CGREF1: variants seen among roughly 807,000 people sequenced by gnomAD.
CGREF1 encodes the protein cell growth regulator with EF hand domain protein 1.
CGREF1 carries 16 observed loss-of-function variants against 17.4 expected under a neutral mutation model. The ratio of observed to expected loss-of-function variants is 0.92; its 90% confidence interval spans 0.62 to 1.40. The LOEUF (loss-of-function observed/expected upper bound fraction) is 1.40. CGREF1 is among the 40% of genes most tolerant of loss of function. CGREF1 has a pLI of 0.00. For synonymous variants in CGREF1, 142 were observed against 154.6 expected, an observed-to-expected ratio of 0.92 and a Z score of 0.61; for missense variants, 296 against 376.4, an observed-to-expected ratio of 0.79 and a Z score of 1.77.
chr2:27,111,140 C>T (rs1176235756), intron 1 of CGREF1, among the ~76,000 whole-genome samples: 1 of 152,158 alleles, frequency 6.6e-6, no homozygotes, highest in Non-Finnish European at 1.5e-5. Flanking sequence ...TTCTCTTATC[C>T]GGCCCCCACC....
At chr2:27,103,807 A>AC (rs1379541700) in intron 2 of CGREF1, among the ~76,000 whole-genome samples, 4 of 148,072 alleles carry the variant, frequency 2.7e-5, no homozygotes, top group Non-Finnish European at 4.5e-5. Flanking sequence ...ACATGGTGAA[A>AC]CCCCACCTCT....
chr2:27,101,591 C>A lies in CGREF1; in HGVS notation c.640G>T (p.Ala214Ser). ...CTGGGCCCTGGAACATCTCCATCAGCCTCTGCCTGGCCCCCAGGCTCCTGG... is the reference window on the plus strand; with the variant it reads ...CTGGGCCCTGGAACATCTCCATCAGACTCTGCCTGGCCCCCAGGCTCCTGG... ...PVQEPGGQAE[A>S]DGDVPGPRGE... Residue 214 changes from alanine to serine, a missense_variant, in exon 6 of 6, where the codon GCT (alanine) becomes TCT (serine). Ala to Ser is a moderately conservative substitution (Grantham distance 99). Around this residue, in one of 3 missense-constraint regions of CGREF1, gnomAD observed 247 missense variants for 267.2 expected, o/e 0.92. Coordinates refer to ENST00000402394, the MANE Select transcript of CGREF1 (RefSeq NM_006569.6). 1 of 1,613,946 alleles carries A rather than the reference C, an allele frequency of 6.2e-7. No individual in the cohort carries two copies. The highest frequency in any genetic ancestry group is 8.5e-7 in the Non-Finnish European group (1 of 1,180,042).
Position 27,104,639 on chromosome 2 carries a change from C to A in CGREF1, c.-11-262G>T, listed in dbSNP as rs1370971800. ...CGGAAGCAGAGCTGGGGGCGCATCC[C>A]CACCCCACGCCCCATTCCCTTGCTC... On this transcript the variant is annotated intron_variant, in intron 1 of 5. Coordinates refer to ENST00000402394, the MANE Select transcript of CGREF1 (RefSeq NM_006569.6). The A allele has an allele frequency of 4.5e-6, 7 of 1,550,464 alleles. No homozygotes were observed. The Admixed American group carries it at 7.8e-5, about 17-fold the overall frequency.
intron 1 of CGREF1, among the ~76,000 whole-genome samples, chr2:27,116,777 C>A (rs1375483700): frequency 1.3e-5 from 2 of 151,096 alleles, no homozygotes; most frequent in African/African-American, 2.4e-5. Context: ...GCATCTTGGC[C>A]AGGCTGGTCT....
In CGREF1 at chr2:27,101,010, C is replaced by T. The variant is rs1000593729; in HGVS notation, c.*264G>A. The T allele has an allele frequency of 4.6e-5, 58 of 1,270,418 alleles. No individual in the cohort carries two copies. Among genetic ancestry groups the T allele is most frequent in the Non-Finnish European group, 5.4e-5 (55 of 1,010,494 alleles). The allele number at this position is 1,270,418 out of a possible 1,614,324, so 78.7% of individuals were successfully genotyped here. A position where few individuals can be genotyped will look rare whatever the true frequency, so the allele number is the denominator to read the frequency against. ...TGGGCAGGCGGCATCCCTGTCCTTT[C>T]GGTCCCCAACCCCGTTCCTCTGAGA... On this transcript the variant is annotated 3_prime_UTR_variant, in exon 6 of 6. Coordinates refer to ENST00000402394, the MANE Select transcript of CGREF1 (RefSeq NM_006569.6).
At chr2:27,111,082 A>C (rs983192063) in intron 1 of CGREF1, 1 of 152,336 alleles carries the variant, frequency 6.6e-6, no homozygotes, top group Non-Finnish European at 1.5e-5. Context: ...ACACTATGGA[A>C]AACGACCTGA....
rs759382756 is a variant in CGREF1, at chr2:27,104,484, A to G, written c.-11-107T>C. 1.1e-5 allele frequency: 17 copies of G among 1,553,048 alleles called. No homozygotes were observed. The African/African-American group carries it at 2.0e-4, about 19-fold the overall frequency. Reference sequence around the variant, plus strand: ...GCATTTTCTGCCTGCTTCTACCTGCAGCCCCAAAGACAGGACTCCTGCTCA... The same window carrying G: ...GCATTTTCTGCCTGCTTCTACCTGCGGCCCCAAAGACAGGACTCCTGCTCA... On this transcript the variant is annotated intron_variant, in intron 1 of 5. Coordinates refer to ENST00000402394, the MANE Select transcript of CGREF1 (RefSeq NM_006569.6).
Position 27,101,085 on chromosome 2 carries a change from A to C in CGREF1, c.*189T>G. ...GAGAGGTGGCCGGGGGGATGAATTC[A>C]TTCAGTTCTTTATTGGTAATCTGCC... On this transcript the variant is annotated 3_prime_UTR_variant, in exon 6 of 6. Coordinates refer to ENST00000402394, the MANE Select transcript of CGREF1 (RefSeq NM_006569.6). 7.4e-7 allele frequency: 1 copy of C among 1,353,228 alleles called. No individual in the cohort carries two copies. Among genetic ancestry groups the C allele is most frequent in the Non-Finnish European group, 9.4e-7 (1 of 1,059,542 alleles). 83.8% of individuals were successfully genotyped at this position (1,353,228 alleles called of 1,614,324 possible). A position where few individuals can be genotyped will look rare whatever the true frequency, so the allele number is the denominator to read the frequency against.
chr2:27,103,380 C>CTTTT (rs3072688), intron 2 of CGREF1, among the ~76,000 whole-genome samples: 1 of 150,876 alleles, frequency 6.6e-6, no homozygotes, highest in African/African-American at 2.4e-5. Flanking sequence ...ACCATAAGGT[C>CTTTT]TTTTTTTTTC....
intron 1 of CGREF1, among the ~76,000 whole-genome samples, chr2:27,117,995 G>A (rs1239319033): frequency 6.6e-6 from 1 of 152,168 alleles, no homozygotes; most frequent in Non-Finnish European, 1.5e-5. Context: ...TGGGATTACA[G>A]GCGTGAGCCA....
intron 5 of CGREF1, 97 bp from the exon 6 acceptor site, chr2:27,101,985 C>T: frequency 6.4e-7 from 1 of 1,560,930 alleles, no homozygotes; most frequent in Admixed American, 1.8e-5. Context: ...GCCGTGCAAG[C>T]TCTGAGCCCT....
At chr2:27,109,952 C>T (rs1008037577) in intron 1 of CGREF1, among the ~76,000 whole-genome samples, 2 of 123,096 alleles carry the variant, frequency 1.6e-5, no homozygotes, top group Admixed American at 7.9e-5. Context: ...AAAATTAGAA[C>T]TGGAATGTAT....
chr2:27,100,353 G>T, downstream of CGREF1: 1 of 1,106,568 alleles, frequency 9.0e-7, no homozygotes, highest in Non-Finnish European at 1.2e-6. Flanking sequence ...GGTCTTCATT[G>T]TCCAGAAATA....
rs546947529 is a variant in CGREF1, at chr2:27,106,136, C to G, written c.-11-1759G>C. Among the ~76,000 whole-genome samples the G allele has an allele frequency of 5.3e-5, 8 of 152,334 alleles. No individual in the cohort carries two copies. The South Asian group carries it at 1.2e-3, about 24-fold the overall frequency. On this transcript the variant is annotated intron_variant, in intron 1 of 5. Transcript: ENST00000402394. ...CCAGAAAAAGGATGGACTAGAAAAA[C>G]ATTCAGACTTCCACTTCTGGGAGTG...
At chr2:27,109,371 T>TAAA (rs11314590) in intron 1 of CGREF1, among the ~76,000 whole-genome samples, 4 of 133,886 alleles carry the variant, frequency 3.0e-5, no homozygotes, top group Admixed American at 1.5e-4. Flanking sequence ...GACCCTGTCT[T>TAAA]AAAAAAAAAA....
At chr2:27,104,494 A>T in intron 1 of CGREF1, 117 bp from the exon 2 acceptor site, 1 of 1,552,176 alleles carries the variant, frequency 6.4e-7, no homozygotes, top group East Asian at 2.4e-5. Flanking sequence ...AGCCCCAAAG[A>T]CAGGACTCCT....
intron 1 of CGREF1, among the ~76,000 whole-genome samples, chr2:27,109,614 G>A (rs1395226136): frequency 5.3e-5 from 8 of 151,830 alleles, no homozygotes; most frequent in Non-Finnish European, 7.4e-5. Flanking sequence ...GGCTGGGCGC[G>A]GTGGCTCACG....
intron 1 of CGREF1, among the ~76,000 whole-genome samples, chr2:27,118,374 G>C (rs1671665600): frequency 6.6e-6 from 1 of 152,094 alleles, no homozygotes; most frequent in Non-Finnish European, 1.5e-5. Context: ...TGGTGCCCTT[G>C]TGCCTCCCAG....
chr2:27,115,102 C>A (rs1255021072), intron 1 of CGREF1, among the ~76,000 whole-genome samples: 1 of 152,204 alleles, frequency 6.6e-6, no homozygotes, highest in Non-Finnish European at 1.5e-5. Context: ...GGAAAACCAA[C>A]CATGTAAGGG....
Sources: gnomAD v4.1 joint callset for allele counts (sites outside exome capture counted in the v4.1 genomes callset) on GRCh38, gnomAD v4.1.1 for gene constraint, gnomAD v4.1.1 regional missense constraint, MANE v1.5 for transcripts, NCBI Gene and HGNC (gene_info 2026-07-23, HGNC 2026-07-21) for gene names.